Variants in CDH20 observed in about 807,000 individuals in gnomAD.
CDH20 encodes the protein cadherin 20.
In CDH20, 29 loss-of-function variants were observed where a neutral mutation model predicts 74.2. The observed-to-expected ratio is 0.39, with a 90% CI of 0.29 to 0.53. The LOEUF (loss-of-function observed/expected upper bound fraction) is 0.53. Ranked by LOEUF, CDH20 falls within the 20% of genes least tolerant of loss-of-function variation. CDH20 has a pLI of 0.69. For synonymous variants in CDH20, 469 were observed against 405.4 expected (o/e 1.16, Z -1.88); for missense variants, 988 against 1,048.3 (o/e 0.94, Z 0.79).
intron 2 of CDH20, among the ~76,000 whole-genome samples, chr18:61,493,934 C>T (rs368280065): frequency 1.3e-3 from 197 of 152,316 alleles, no homozygotes; most frequent in Middle Eastern, 3.4e-3. Flanking sequence ...ACCTCCCTGA[C>T]GCTGAGTACT....
chr18:61,423,293 C>A (rs972931899), intron 1 of CDH20, among the ~76,000 whole-genome samples: 1 of 152,204 alleles, frequency 6.6e-6, no homozygotes, highest in Non-Finnish European at 1.5e-5. Flanking sequence ...TCAGCTAGGG[C>A]AGCCCCCATC....
intron 1 of CDH20, among the ~76,000 whole-genome samples, chr18:61,397,111 T>G (rs1912008887): frequency 6.6e-6 from 1 of 152,070 alleles, no homozygotes; most frequent in African/African-American, 2.4e-5. Flanking sequence ...TCCATGGGCA[T>G]CTAACCTAGG....
chr18:61,480,930 G>A (rs1212867195), intron 1 of CDH20, among the ~76,000 whole-genome samples: 1 of 152,124 alleles, frequency 6.6e-6, no homozygotes, highest in African/African-American at 2.4e-5. Context: ...CTTTATCTCT[G>A]CCTCTTAATA....
At chr18:61,414,232 G>T (rs1912611082) in intron 1 of CDH20, among the ~76,000 whole-genome samples, 1 of 152,136 alleles carries the variant, frequency 6.6e-6, no homozygotes, top group South Asian at 2.1e-4. Context: ...CAGATGCAAA[G>T]TGTGGACTCT....
intron 7 of CDH20, among the ~76,000 whole-genome samples, chr18:61,530,282 A>C (rs561138070): frequency 6.6e-6 from 1 of 152,270 alleles, no homozygotes; most frequent in East Asian, 1.9e-4. Flanking sequence ...AAAGCACTTA[A>C]AACTCAATGA....
At chr18:61,506,688 T>A (rs579378) in intron 5 of CDH20, among the ~76,000 whole-genome samples, 144,586 of 152,326 alleles carry the variant, frequency 0.95, 68,666 homozygotes, top group East Asian at 0.99. Flanking sequence ...AAAGGAGATG[T>A]CCAACTCTGA....
chr18:61,333,873 C>T (rs911661273), intron 1 of CDH20, 46 bp downstream of exon 1: 15 of 152,298 alleles, frequency 9.8e-5, no homozygotes, highest in Non-Finnish European at 2.2e-4. Context: ...GGGCTTGGGA[C>T]TCCGGGCGCG....
rs776435271 is a variant in CDH20 at position 61,528,170 on chromosome 18, C to G, written c.1221C>G (p.Thr407=). Residue 407 remains threonine, a synonymous_variant, in exon 7 of 12, where the codon ACC becomes ACG. Coordinates refer to ENST00000262717, the MANE Select transcript of CDH20 (RefSeq NM_031891.4). The part of the protein sequence containing the change: ...EVPEDVAIGT[T]IQIISAKDPD... ...CTGAGGATGTGGCGATTGGAACAAC[C>G]ATACAGATCATTTCTGCCAAGGACC... is the stretch of plus-strand genomic sequence containing the variant. 2 of 1,614,066 alleles carry G rather than the reference C, an allele frequency of 1.2e-6. No homozygotes were observed. The highest frequency in any genetic ancestry group is 1.1e-5 in the South Asian group (1 of 91,072).
chr18:61,515,459 T>G (rs1421462566), intron 6 of CDH20, among the ~76,000 whole-genome samples: 3 of 152,148 alleles, frequency 2.0e-5, no homozygotes, highest in African/African-American at 7.2e-5. Context: ...ATCACCCGTC[T>G]TCTGCGTTGC....
At chr18:61,447,249 T>C (rs1377308257) in intron 1 of CDH20, among the ~76,000 whole-genome samples, 1 of 152,128 alleles carries the variant, frequency 6.6e-6, no homozygotes, top group Non-Finnish European at 1.5e-5. Flanking sequence ...GAATCCAAAG[T>C]AGAGTTTACC....
At chr18:61,349,796 C>A (rs1489483864) in intron 1 of CDH20, among the ~76,000 whole-genome samples, 2 of 149,862 alleles carry the variant, frequency 1.3e-5, no homozygotes, top group African/African-American at 4.9e-5. Flanking sequence ...CAAACAATAT[C>A]AAAATTAGGT....
intron 1 of CDH20, among the ~76,000 whole-genome samples, chr18:61,376,357 C>A (rs549828517): frequency 6.6e-6 from 1 of 152,202 alleles, no homozygotes; most frequent in South Asian, 2.1e-4. Context: ...ATTTACCTAT[C>A]TTGCTATTTT....
intron 1 of CDH20, among the ~76,000 whole-genome samples, chr18:61,356,012 T>A (rs1910485161): frequency 6.6e-6 from 1 of 152,228 alleles, no homozygotes; most frequent in African/African-American, 2.4e-5. Flanking sequence ...TTCTTCATCA[T>A]TCAAGAAACA....
At chr18:61,545,659 T>TA (rs1312160389) in intron 10 of CDH20, among the ~76,000 whole-genome samples, 20 of 151,604 alleles carry the variant, frequency 1.3e-4, no homozygotes, top group African/African-American at 4.8e-4. Context: ...TACAATAAAA[T>TA]AAAAAACCCC....
At chr18:61,533,975 T>A (rs1912736527) in intron 7 of CDH20, among the ~76,000 whole-genome samples, 1 of 152,200 alleles carries the variant, frequency 6.6e-6, no homozygotes, top group Admixed American at 6.5e-5. Context: ...CCTATTTAGT[T>A]GGTTGATGTG....
intron 1 of CDH20, among the ~76,000 whole-genome samples, chr18:61,481,553 A>G (rs1478141275): frequency 6.6e-6 from 1 of 152,220 alleles, no homozygotes; most frequent in African/African-American, 2.4e-5. Flanking sequence ...AACAAGATAC[A>G]TAATAAACAT....
chr18:61,528,155 G>A lies in CDH20; in HGVS notation c.1206G>A (p.Val402=), dbSNP rs1912503634. ...GFYFVEVPED[V]AIGTTIQIIS... ...ACTTTGTGGAGGTGCCTGAGGATGT[G>A]GCGATTGGAACAACCATACAGATCA... The change falls in exon 7 of 12, where the codon GTG becomes GTA. Residue 402 remains valine (V), a synonymous_variant. Coordinates refer to ENST00000262717, the MANE Select transcript of CDH20 (RefSeq NM_031891.4). 1.9e-6 allele frequency: 3 copies of A among 1,614,042 alleles called. No individual in the cohort carries two copies. The Admixed American group carries it at 5.0e-5, about 27-fold the overall frequency.
chr18:61,546,185 C>T (rs578218401), intron 10 of CDH20, among the ~76,000 whole-genome samples: 1 of 152,252 alleles, frequency 6.6e-6, no homozygotes, highest in South Asian at 2.1e-4. Flanking sequence ...TATTAATTGC[C>T]GCTTTGTAAA....
In CDH20 at chr18:61,478,319, G is replaced by A. The variant is rs955406028; in HGVS notation, c.-152-12083G>A. Among the ~76,000 whole-genome samples the A allele has an allele frequency of 3.3e-5, 5 of 151,992 alleles. No individual in the cohort carries two copies. In the East Asian group the frequency reaches 5.8e-4, roughly 18 times the overall value. ...TTTGGAATAATATTTTAAATGTTGAGCATAAAGATTTCTAAATATGTTAAG... is the reference window on the plus strand; with the variant it reads ...TTTGGAATAATATTTTAAATGTTGAACATAAAGATTTCTAAATATGTTAAG... On this transcript the variant is annotated intron_variant, in intron 1 of 11. Coordinates refer to ENST00000262717, the MANE Select transcript of CDH20 (RefSeq NM_031891.4).
Sources: gnomAD v4.1 joint callset for allele counts (sites outside exome capture counted in the v4.1 genomes callset) on GRCh38, gnomAD v4.1.1 for gene constraint, MANE v1.5 for transcripts, NCBI Gene and HGNC (gene_info 2026-07-23, HGNC 2026-07-21) for gene names.